MCHR2: variants seen among roughly 807,000 people sequenced by gnomAD.
The protein encoded by MCHR2 is melanin concentrating hormone receptor 2, also known as melanin-concentrating hormone receptor 2.
Under a neutral mutation model 24.8 loss-of-function variants are expected in MCHR2, and 15 were observed. That is an observed-to-expected ratio of 0.60 (90% CI 0.40 to 0.93). The LOEUF (loss-of-function observed/expected upper bound fraction) is 0.93, where lower values mean the gene tolerates loss of function less well. Ranked by LOEUF, MCHR2 falls within the 40% of genes least tolerant of loss-of-function variation. The pLI, the probability that MCHR2 is intolerant of heterozygous loss-of-function variation, is 0.00. For synonymous variants in MCHR2, 151 were observed against 147.6 expected (o/e 1.02, Z -0.17); for missense variants, 386 against 408.7 (o/e 0.94, Z 0.48).
intron 5 of MCHR2, among the ~76,000 whole-genome samples, chr6:99,930,189 G>A (rs9403236): frequency 0.99 from 150,218 of 152,232 alleles, 74,132 homozygotes; most frequent in Middle Eastern, 1. Flanking sequence ...TGGCTTGTAG[G>A]GTTTCTGCCG....
At position 99,984,224 on chromosome 6, in the gene MCHR2, T is replaced by G. The variant is rs539309610; in HGVS notation, c.-28+9712A>C. Among the ~76,000 whole-genome samples the G allele has an allele frequency of 8.3e-5, 11 of 132,984 alleles. No homozygotes were observed. The South Asian group carries it at 2.7e-3, about 32-fold the overall frequency. 87.2% of individuals were successfully genotyped at this position (132,984 alleles called of 152,430 possible). The stretch of plus-strand genomic sequence containing the variant: ...TTATTTCTCTACATTTTTCACTGTA[T>G]CTTTTTGTTTTTTATTTTTTTATTT... On this transcript the variant is annotated intron_variant, in intron 1 of 5. Transcript: ENST00000281806.
intron 4 of MCHR2, among the ~76,000 whole-genome samples, chr6:99,934,865 C>A (rs1774625231): frequency 6.6e-6 from 1 of 151,970 alleles, no homozygotes; most frequent in Non-Finnish European, 1.5e-5. Context: ...TTTTGTATAT[C>A]TTTACTCATT....
chr6:99,934,283 T>C (rs962478472), intron 5 of MCHR2, 115 bp downstream of exon 5: 1 of 1,071,744 alleles, frequency 9.3e-7, no homozygotes, highest in Non-Finnish European at 1.3e-6. Flanking sequence ...CATATATCAA[T>C]GTCCACATGT....
chr6:99,961,461 T>A (rs1416077028), intron 1 of MCHR2, among the ~76,000 whole-genome samples: 1 of 152,126 alleles, frequency 6.6e-6, no homozygotes, highest in African/African-American at 2.4e-5. Context: ...CCAACCCAAA[T>A]GTCCATCAAG....
intron 5 of MCHR2, among the ~76,000 whole-genome samples, chr6:99,923,295 G>A (rs1340704572): frequency 6.6e-6 from 1 of 152,082 alleles, no homozygotes; most frequent in East Asian, 1.9e-4. Flanking sequence ...TGTGTGTGGA[G>A]TCTTTAGAGT....
intron 1 of MCHR2, among the ~76,000 whole-genome samples, chr6:99,961,178 T>G (rs1157729790): frequency 6.6e-6 from 1 of 151,912 alleles, no homozygotes; most frequent in Non-Finnish European, 1.5e-5. Context: ...GAACAGACAC[T>G]TCTCAAAAGA....
chr6:99,932,301 A>G (rs1774563582), intron 5 of MCHR2, among the ~76,000 whole-genome samples: 1 of 152,206 alleles, frequency 6.6e-6, no homozygotes, highest in Non-Finnish European at 1.5e-5. Context: ...TAGTAATATA[A>G]ATAATATTGA....
chr6:99,971,913 A>G (rs1388960297), intron 1 of MCHR2, among the ~76,000 whole-genome samples: 1 of 152,226 alleles, frequency 6.6e-6, no homozygotes, highest in East Asian at 1.9e-4. Context: ...GATGAAGCCC[A>G]TTTGATCATG....
intron 5 of MCHR2, among the ~76,000 whole-genome samples, chr6:99,930,759 T>G (rs910377955): frequency 1.3e-5 from 2 of 152,194 alleles, no homozygotes; most frequent in Non-Finnish European, 2.9e-5. Context: ...TTTTCAAAGT[T>G]TTTAACTTCT....
At chr6:99,923,676 T>C (rs1294392120) in intron 5 of MCHR2, among the ~76,000 whole-genome samples, 2 of 152,082 alleles carry the variant, frequency 1.3e-5, no homozygotes, top group Non-Finnish European at 2.9e-5. Flanking sequence ...AATGATCATA[T>C]GTTGATCATT....
At chr6:99,956,964 GTATTTA>G (rs1468081491) in intron 1 of MCHR2, among the ~76,000 whole-genome samples, 5 of 151,870 alleles carry the variant, frequency 3.3e-5, no homozygotes, top group African/African-American at 1.2e-4. Context: ...GTGTGTGTGT[GTATTTA>G]TATTTATGTG....
intron 2 of MCHR2, among the ~76,000 whole-genome samples, chr6:99,952,258 A>C (rs1278874368): frequency 2.6e-5 from 4 of 152,154 alleles, no homozygotes; most frequent in Non-Finnish European, 4.4e-5. Flanking sequence ...AGTGATGATC[A>C]GGCCTCATTA....
intron 3 of MCHR2, among the ~76,000 whole-genome samples, chr6:99,946,183 T>C (rs1006378332): frequency 2.6e-5 from 4 of 152,140 alleles, no homozygotes; most frequent in Admixed American, 2.0e-4. Flanking sequence ...CTTCCTGGTA[T>C]TGGAACCCTG....
chr6:99,928,688 C>T (rs1346496976), intron 5 of MCHR2, among the ~76,000 whole-genome samples: 1 of 152,148 alleles, frequency 6.6e-6, no homozygotes, highest in African/African-American at 2.4e-5. Context: ...GTGATATCCC[C>T]TTTATCACTT....
At chr6:99,965,438 C>G (rs1200422320) in intron 1 of MCHR2, among the ~76,000 whole-genome samples, 5 of 152,098 alleles carry the variant, frequency 3.3e-5, no homozygotes, top group Non-Finnish European at 7.4e-5. Context: ...ACTGGCTGAA[C>G]CCATTGAGGA....
chr6:99,926,032 T>A (rs1166821813), intron 5 of MCHR2, among the ~76,000 whole-genome samples: 2 of 151,918 alleles, frequency 1.3e-5, no homozygotes, highest in Non-Finnish European at 2.9e-5. Flanking sequence ...CCCCTTCCTG[T>A]GTCCATGTGT....
intron 1 of MCHR2, among the ~76,000 whole-genome samples, chr6:99,962,478 C>A (rs1377332149): frequency 6.6e-6 from 1 of 152,002 alleles, no homozygotes; most frequent in African/African-American, 2.4e-5. Flanking sequence ...AACAAGGGTG[C>A]CAAAGTATAC....
At chr6:99,950,406 G>A (rs376124675) in intron 2 of MCHR2, among the ~76,000 whole-genome samples, 15 of 151,806 alleles carry the variant, frequency 9.9e-5, no homozygotes, top group Non-Finnish European at 1.5e-4. Flanking sequence ...TATTTCTTAC[G>A]ATGTAAACAT....
intron 2 of MCHR2, among the ~76,000 whole-genome samples, chr6:99,951,957 AC>A (rs1356056148): frequency 1.3e-5 from 2 of 152,080 alleles, no homozygotes; most frequent in Non-Finnish European, 2.9e-5. Flanking sequence ...AGGATAGGGC[AC>A]CTTTTATAGA....
Sources: allele counts gnomAD v4.1 joint callset (sites outside exome capture counted in the v4.1 genomes callset), GRCh38; gene constraint gnomAD v4.1.1; transcripts MANE v1.5; gene names NCBI Gene and HGNC (gene_info 2026-07-23, HGNC 2026-07-21).